The following PRPS2 variants were observed in gnomAD, a reference collection of about 807,000 sequenced individuals.
The protein encoded by PRPS2 is phosphoribosyl pyrophosphate synthetase 2, also known as ribose-phosphate pyrophosphokinase 2.
For synonymous variants in PRPS2, 111 were observed against 115.3 expected (o/e 0.96, Z 0.24); for missense variants, 104 against 271.5 (o/e 0.38, Z 4.34).
chrX:12,812,530 G>A (rs2042629130), intron 4 of PRPS2, among the ~76,000 whole-genome samples: 1 of 111,803 alleles, frequency 8.9e-6, no homozygotes, highest in Non-Finnish European at 1.9e-5. Flanking sequence ...AGGAAGCTGA[G>A]GCAGGAGAAT....
At chrX:12,791,738 G>A (rs1351550444) in intron 1 of PRPS2, 119 bp downstream of exon 1, 1 of 719,457 alleles carries the variant, frequency 1.4e-6, no homozygotes, top group Non-Finnish European at 1.7e-6. Flanking sequence ...CCCTTCCGGG[G>A]CGGGACGGTG....
At chrX:12,820,552 G>A (rs1725832840) in intron 5 of PRPS2, 92 bp from the exon 6 acceptor site, 22 of 951,665 alleles carry the variant, frequency 2.3e-5, no homozygotes, top group South Asian at 1.6e-4. Context: ...TTCTTTTACG[G>A]AGCACACTTT....
intron 4 of PRPS2, among the ~76,000 whole-genome samples, chrX:12,818,794 C>T (rs2042661885): frequency 1.8e-5 from 2 of 111,814 alleles, no homozygotes; most frequent in Non-Finnish European, 3.8e-5. Context: ...CTGAAATGCC[C>T]CAGGCTCACC....
chrX:12,796,245 A>G (rs1392428437), intron 1 of PRPS2, among the ~76,000 whole-genome samples: 2 of 73,874 alleles, frequency 2.7e-5, no homozygotes, highest in East Asian at 4.2e-4. Context: ...TTTGAGACAG[A>G]GTTTCACTTT....
intron 1 of PRPS2, among the ~76,000 whole-genome samples, chrX:12,797,852 C>T (rs1400993355): frequency 1.8e-5 from 2 of 112,388 alleles, no homozygotes; most frequent in African/African-American, 6.5e-5. Flanking sequence ...TCCAGACATG[C>T]AATTTTCAAA....
At chrX:12,796,674 C>G (rs1340836791) in intron 1 of PRPS2, among the ~76,000 whole-genome samples, 1 of 110,456 alleles carries the variant, frequency 9.1e-6, no homozygotes, top group Non-Finnish European at 1.9e-5. Flanking sequence ...CATATGTATT[C>G]CTAAAAATTA....
intron 4 of PRPS2, among the ~76,000 whole-genome samples, chrX:12,816,449 C>T (rs1040167507): frequency 1.8e-5 from 2 of 110,483 alleles, no homozygotes; most frequent in African/African-American, 6.6e-5. Flanking sequence ...ACTAAAGGCG[C>T]ATGCCACCAT....
At chrX:12,791,757 G>T in intron 1 of PRPS2, 138 bp downstream of exon 1, 2 of 620,293 alleles carry the variant, frequency 3.2e-6, no homozygotes, top group Non-Finnish European at 3.9e-6. Flanking sequence ...TGGCAACGCG[G>T]CCTCCGCGCC....
intron 2 of PRPS2, among the ~76,000 whole-genome samples, chrX:12,802,312 G>A (rs1415462245): frequency 9.0e-6 from 1 of 110,800 alleles, no homozygotes; most frequent in African/African-American, 3.3e-5. Context: ...TGGAACTCCA[G>A]TGGCTATAAC....
Position 12,791,633 on chromosome X carries a change from C to G in PRPS2, c.122+14C>G. 8.9e-7 allele frequency: 1 copy of G among 1,117,372 alleles called. No individual in the cohort carries two copies. The highest frequency in any genetic ancestry group is 1.2e-6 in the Non-Finnish European group (1 of 847,919). 92.1% of individuals were successfully genotyped at this position (1,117,372 alleles called of 1,213,427 possible). On this transcript the variant is annotated intron_variant, in intron 1 of 6. Coordinates refer to ENST00000380668, the MANE Select transcript of PRPS2 (RefSeq NM_002765.5). The stretch of plus-strand genomic sequence containing the variant: ...CCAGGAGACCAGGTGGGGGCCGCGC[C>G]GGCGGCCGGGCTAGGGAGAGCGCTG...
At position 12,816,660 on chromosome X, in the gene PRPS2, T is replaced by C. The variant is rs1224114316; in HGVS notation, c.531-2847T>C. Among the ~76,000 whole-genome samples the C allele has an allele frequency of 4.5e-5, 5 of 111,817 alleles. No homozygotes were observed. The Admixed American group carries it at 4.7e-4, about 11-fold the overall frequency. On this transcript the variant is annotated intron_variant, in intron 4 of 6. Transcript: ENST00000380668. ...GTAGACATTATTATTATTTTGGTTT[T>C]GTACAATCAACATTTGTTTAGATTT...
At chrX:12,821,288 A>G (rs1478987226) in intron 6 of PRPS2, among the ~76,000 whole-genome samples, 1 of 111,970 alleles carries the variant, frequency 8.9e-6, no homozygotes, top group African/African-American at 3.2e-5. Flanking sequence ...AAGGGAAAGA[A>G]ATCCTGACAC....
chrX:12,795,741 A>T (rs2042539797), intron 1 of PRPS2, among the ~76,000 whole-genome samples: 1 of 112,515 alleles, frequency 8.9e-6, no homozygotes, highest in African/African-American at 3.2e-5. Context: ...TAAAGGTCTC[A>T]CCTGTCAATA....
intron 2 of PRPS2, 149 bp from the exon 3 acceptor site, chrX:12,809,085 T>C (rs938481743): frequency 2.1e-6 from 1 of 485,278 alleles, no homozygotes; most frequent in Non-Finnish European, 3.4e-6. Context: ...ATGGAATGAA[T>C]ATATCTTTTG....
At chrX:12,800,309 C>T (rs1296656448) in intron 2 of PRPS2, among the ~76,000 whole-genome samples, 2 of 111,706 alleles carry the variant, frequency 1.8e-5, no homozygotes, top group Non-Finnish European at 3.8e-5. Context: ...TGGTCCCTGC[C>T]TCTCTCTTCA....
chrX:12,818,111 G>A (rs865793683), intron 4 of PRPS2, among the ~76,000 whole-genome samples: 7 of 111,106 alleles, frequency 6.3e-5, no homozygotes, highest in Non-Finnish European at 1.3e-4. Flanking sequence ...GCTCATGTCC[G>A]TAATCCCAGC....
At chrX:12,822,597 T>C in intron 6 of PRPS2, 107 bp from the exon 7 acceptor site, 1 of 718,888 alleles carries the variant, frequency 1.4e-6, no homozygotes, top group South Asian at 2.2e-5. Flanking sequence ...ACACATCATG[T>C]ATGCTGCAGA....
rs970015089 is a variant in PRPS2, at chrX:12,822,979, T to G, written c.*183T>G. On this transcript the variant is annotated 3_prime_UTR_variant, in exon 7 of 7. Transcript: ENST00000380668. ...CTCAAGATCATTTCTTTCCAGTTTT[T>G]GGGGAAATGGTGGTGGTTATTTGGT... 1.4e-5 allele frequency: 6 copies of G among 425,599 alleles called. No homozygotes were observed. The African/African-American group carries it at 1.5e-4, about 11-fold the overall frequency. The allele number at this position is 425,599 out of a possible 1,213,427, so 35.1% of individuals were successfully genotyped here.
intron 3 of PRPS2, 41 bp from the exon 4 acceptor site, chrX:12,809,980 CA>C: frequency 9.1e-6 from 10 of 1,101,187 alleles, no homozygotes; most frequent in African/African-American, 1.9e-5. Flanking sequence ...GAAAACAAAA[CA>C]AAACAAAACC....
Sources: allele counts gnomAD v4.1 joint callset (sites outside exome capture counted in the v4.1 genomes callset), GRCh38; gene constraint gnomAD v4.1.1; transcripts MANE v1.5; gene names NCBI Gene and HGNC (gene_info 2026-07-23, HGNC 2026-07-21).